The following CNTN6 variants were observed in gnomAD, a reference collection of about 807,000 sequenced individuals.
The protein encoded by CNTN6 is contactin-6.
A neutral mutation model predicts 122.8 loss-of-function variants in CNTN6; 137 were observed. That is an observed-to-expected ratio of 1.12 (90% CI 0.97 to 1.29). CNTN6 has a LOEUF of 1.29. Among genes scored for constraint, CNTN6 ranks in the 50% most tolerant of loss-of-function variants. The probability of loss-of-function intolerance (pLI) is 0.00; values close to 1 mark genes in which losing one functional copy is unlikely to be tolerated. For missense variants in CNTN6, 1,634 were observed against 1,223.4 expected (o/e 1.34, Z -5.01); for synonymous variants, 570 against 426.0 (o/e 1.34, Z -4.16).
At chr3:1,381,243 C>T (rs1012338929) in intron 17 of CNTN6, among the ~76,000 whole-genome samples, 1 of 152,186 alleles carries the variant, frequency 6.6e-6, no homozygotes, top group African/African-American at 2.4e-5. Context: ...TCTTATAAAT[C>T]TCTTCCATGC....
Position 1,109,644 on chromosome 3 carries a change from C to G in CNTN6, c.-83+16524C>G, listed in dbSNP as rs546900821. Among the ~76,000 whole-genome samples, 4 of 152,092 alleles carry G rather than the reference C, an allele frequency of 2.6e-5. No individual in the cohort carries two copies. The East Asian group carries it at 7.7e-4, about 29-fold the overall frequency. On this transcript the variant is annotated intron_variant, in intron 1 of 22. Coordinates refer to ENST00000446702, the MANE Select transcript of CNTN6 (RefSeq NM_001289080.2). ...CAAAAATTTACATTATTTATTTTCT[C>G]TTAACATATTTGCAAAGATTTAGTT... is the stretch of plus-strand genomic sequence containing the variant.
chr3:1,312,243 G>C (rs1186953483), intron 7 of CNTN6, among the ~76,000 whole-genome samples: 1 of 151,500 alleles, frequency 6.6e-6, no homozygotes, highest in African/African-American at 2.4e-5. Context: ...TTTTTTCAAG[G>C]AGCATAGAGT....
intron 11 of CNTN6, among the ~76,000 whole-genome samples, chr3:1,342,710 C>T (rs968687985): frequency 6.6e-6 from 1 of 152,048 alleles, no homozygotes; most frequent in African/African-American, 2.4e-5. Flanking sequence ...TTAGGAACCA[C>T]CAAACGGGGT....
intron 20 of CNTN6, among the ~76,000 whole-genome samples, chr3:1,390,212 C>G (rs1553714133): frequency 6.6e-6 from 1 of 152,084 alleles, no homozygotes; most frequent in Non-Finnish European, 1.5e-5. Context: ...CAAACTATCT[C>G]TCAGGCCACA....
intron 1 of CNTN6, among the ~76,000 whole-genome samples, chr3:1,119,389 C>T (rs925394743): frequency 3.2e-5 from 4 of 123,136 alleles, no homozygotes; most frequent in Non-Finnish European, 6.8e-5. Flanking sequence ...ACTCTTCGAG[C>T]TTTGACATCT....
intron 1 of CNTN6, among the ~76,000 whole-genome samples, chr3:1,140,455 G>A (rs1057189313): frequency 1.3e-4 from 20 of 152,118 alleles, no homozygotes; most frequent in Admixed American, 1.2e-3. Flanking sequence ...ACCTATATAT[G>A]TAAATAATGG....
intron 2 of CNTN6, among the ~76,000 whole-genome samples, chr3:1,174,892 C>T (rs554080884): frequency 3.9e-5 from 6 of 152,258 alleles, no homozygotes; most frequent in African/African-American, 1.4e-4. Flanking sequence ...CCCACACACG[C>T]GTGTGCACAC....
intron 7 of CNTN6, among the ~76,000 whole-genome samples, chr3:1,306,260 C>T (rs1006954194): frequency 2.6e-5 from 4 of 152,122 alleles, no homozygotes; most frequent in Non-Finnish European, 5.9e-5. Context: ...TAGATTCTTG[C>T]TAATGGCTTT....
intron 2 of CNTN6, among the ~76,000 whole-genome samples, chr3:1,177,840 T>A (rs574869175): frequency 2.6e-5 from 4 of 151,960 alleles, no homozygotes; most frequent in Non-Finnish European, 5.9e-5. Context: ...TCTATTTGAA[T>A]ATGACTTCTG....
chr3:1,301,235 C>G (rs1159249825), intron 7 of CNTN6, among the ~76,000 whole-genome samples: 1 of 151,956 alleles, frequency 6.6e-6, no homozygotes, highest in Non-Finnish European at 1.5e-5. Flanking sequence ...CGGAGTTTCA[C>G]TGTGTTGGCC....
At chr3:1,265,292 C>G (rs958359517) in intron 4 of CNTN6, among the ~76,000 whole-genome samples, 1 of 152,126 alleles carries the variant, frequency 6.6e-6, no homozygotes, top group Admixed American at 6.5e-5. Context: ...GCCTCTTCAC[C>G]TCTAAATGAA....
chr3:1,314,298 T>A (rs1413419257), intron 7 of CNTN6, among the ~76,000 whole-genome samples: 1 of 152,030 alleles, frequency 6.6e-6, no homozygotes, highest in East Asian at 1.9e-4. Flanking sequence ...TCTTTGCTGG[T>A]TTTGTTATTC....
chr3:1,252,572 C>A (rs1432207719), intron 4 of CNTN6, among the ~76,000 whole-genome samples: 1 of 152,116 alleles, frequency 6.6e-6, no homozygotes, highest in African/African-American at 2.4e-5. Flanking sequence ...AAAACATTTT[C>A]CCTACTAGTC....
chr3:1,266,280 C>G (rs2094925146), intron 4 of CNTN6, among the ~76,000 whole-genome samples: 1 of 152,094 alleles, frequency 6.6e-6, no homozygotes, highest in Non-Finnish European at 1.5e-5. Context: ...CTGGAGAAAG[C>G]TACAAAGAAA....
In CNTN6 at chr3:1,385,740, A is replaced by C; in HGVS notation, c.2647A>C (p.Asn883His). 6.2e-7 allele frequency: 1 copy of C among 1,614,116 alleles called. No homozygotes were observed. Among genetic ancestry groups the C allele is most frequent in the Non-Finnish European group, 8.5e-7 (1 of 1,179,958 alleles). Residue 883 changes from asparagine to histidine, a missense_variant, in exon 20 of 23, where the codon AAC becomes CAC. Asn to His is a moderately conservative substitution (Grantham distance 68). Coordinates refer to ENST00000446702, the MANE Select transcript of CNTN6 (RefSeq NM_001289080.2). Reference protein sequence around the residue: ...TIYFASVRAYNTAGTGPSSPP... With the variant: ...TIYFASVRAYHTAGTGPSSPP... ...CTACTTTGCTTCCGTAAGAGCTTACAACACTGCTGGGACAGGGCCCTCAAG... is the reference window on the plus strand; with the variant it reads ...CTACTTTGCTTCCGTAAGAGCTTACCACACTGCTGGGACAGGGCCCTCAAG...
intron 20 of CNTN6, among the ~76,000 whole-genome samples, chr3:1,386,753 T>G (rs976356390): frequency 6.6e-6 from 1 of 152,168 alleles, no homozygotes; most frequent in Non-Finnish European, 1.5e-5. Flanking sequence ...GTTGCTGAAT[T>G]TTGAGAAAGA....
intron 2 of CNTN6, among the ~76,000 whole-genome samples, chr3:1,196,782 T>C (rs2093784454): frequency 6.6e-6 from 1 of 152,180 alleles, no homozygotes; most frequent in Non-Finnish European, 1.5e-5. Context: ...ATTCGCCAAA[T>C]ATGTATCAAG....
At chr3:1,191,506 A>G (rs1240406562) in intron 2 of CNTN6, among the ~76,000 whole-genome samples, 1 of 152,186 alleles carries the variant, frequency 6.6e-6, no homozygotes, top group Admixed American at 6.5e-5. Flanking sequence ...ACAGGGACAG[A>G]ATCTCCTGCA....
At chr3:1,178,052 C>G (rs2093483948) in intron 2 of CNTN6, among the ~76,000 whole-genome samples, 1 of 151,956 alleles carries the variant, frequency 6.6e-6, no homozygotes, top group Admixed American at 6.6e-5. Context: ...AGGCACCAAC[C>G]ACCACGCCTG....
Sources: gnomAD v4.1 joint callset for allele counts (sites outside exome capture counted in the v4.1 genomes callset) on GRCh38, gnomAD v4.1.1 for gene constraint, MANE v1.5 for transcripts, NCBI Gene and HGNC (gene_info 2026-07-23, HGNC 2026-07-21) for gene names.